ADSS2: variants seen among roughly 807,000 people sequenced by gnomAD.
The protein encoded by ADSS2 is adenylosuccinate synthase 2.
A neutral mutation model predicts 60.0 loss-of-function variants in ADSS2; 30 were observed. The ratio of observed to expected loss-of-function variants is 0.50; its 90% CI spans 0.37 to 0.68. The LOEUF (loss-of-function observed/expected upper bound fraction) is 0.68, where lower values mean the gene tolerates loss of function less well. ADSS2 is among the 30% of genes least tolerant of loss of function. The pLI is 0.00. For synonymous variants in ADSS2, 187 were observed against 193.1 expected (o/e 0.97, Z 0.26); for missense variants, 373 against 554.8 (o/e 0.67, Z 3.29).
At position 244,451,839 on chromosome 1, in the gene ADSS2, GC is replaced by G; in HGVS notation, c.-23del. ...CCATGGCTCCAGTGACGCGAGGAGAGCCCGAAGGAGAGGCGGCCGGCGAGGA... is the reference window on the plus strand; with the variant it reads ...CCATGGCTCCAGTGACGCGAGGAGAGCCGAAGGAGAGGCGGCCGGCGAGGA... On this transcript the variant is annotated 5_prime_UTR_variant, in exon 1 of 13. Transcript: ENST00000366535. This position sits in a 1 kb window ranked among gnomAD's most constrained non-coding sequence, Gnocchi z 6.6. 6.4e-7 allele frequency: 1 copy of G among 1,551,490 alleles called. No homozygotes were observed. The highest frequency in any genetic ancestry group is 8.7e-7 in the Non-Finnish European group (1 of 1,151,430).
chr1:244,436,099 G>A (rs1435768997), intron 3 of ADSS2, among the ~76,000 whole-genome samples: 5 of 152,210 alleles, frequency 3.3e-5, no homozygotes, highest in Non-Finnish European at 7.3e-5. Flanking sequence ...GCGTGCCTAT[G>A]TTTGGACTGT....
chr1:244,446,191 T>G (rs990077824), intron 1 of ADSS2, among the ~76,000 whole-genome samples: 1 of 152,208 alleles, frequency 6.6e-6, no homozygotes, highest in Non-Finnish European at 1.5e-5. Context: ...GTAAAGATTG[T>G]AAGATCTGTG....
In ADSS2 at chr1:244,418,760, A is replaced by G; in HGVS notation, c.945T>C (p.Asn315=). Residue 315 remains asparagine, a splice_region_variant and synonymous_variant, in exon 9 of 13, where the codon AAT becomes AAC. Coordinates refer to ENST00000366535, the MANE Select transcript of ADSS2 (RefSeq NM_001126.5). ...GATTATTTACTTAGAATAGGCTTACATTGTCTTGCTCTGTAGGAAAGGCAC... is the reference window on the plus strand; with the variant it reads ...GATTATTTACTTAGAATAGGCTTACGTTGTCTTGCTCTGTAGGAAAGGCAC... The part of the protein sequence containing the change: ...GIGAFPTEQD[N]EIGELLQTRG... 1 of 1,592,944 alleles carries G rather than the reference A, an allele frequency of 6.3e-7. No individual in the cohort carries two copies. Among genetic ancestry groups the G allele is most frequent in the Non-Finnish European group, 8.5e-7 (1 of 1,174,140 alleles).
At chr1:244,442,133 G>A (rs74151391) in intron 1 of ADSS2, among the ~76,000 whole-genome samples, 17,948 of 152,074 alleles carry the variant, frequency 0.12, 1,350 homozygotes, top group African/African-American at 0.18. Context: ...TACTGGTAGT[G>A]AATGACAATG....
At position 244,449,387 on chromosome 1, in the gene ADSS2, C is replaced by T. The variant is rs936091131; in HGVS notation, c.183+2248G>A. On this transcript the variant is annotated intron_variant, in intron 1 of 12. Coordinates refer to ENST00000366535, the MANE Select transcript of ADSS2 (RefSeq NM_001126.5). ...TAAATATGGCAGAATATATTAAACT[C>T]TAACAAAGGACATATTTTCACTAAC... Among the ~76,000 whole-genome samples the T allele has an allele frequency of 3.9e-5, 6 of 152,250 alleles. No homozygotes were observed. In the East Asian group the frequency reaches 1.2e-3, roughly 29 times the overall value.
chr1:244,425,605 CTT>C (rs1664785899), intron 4 of ADSS2, among the ~76,000 whole-genome samples: 2 of 152,126 alleles, frequency 1.3e-5, no homozygotes. Flanking sequence ...TGTATGTACT[CTT>C]CTCTAATTCC....
intron 1 of ADSS2, among the ~76,000 whole-genome samples, chr1:244,440,953 C>T (rs952102050): frequency 1.3e-5 from 2 of 152,076 alleles, no homozygotes; most frequent in African/African-American, 2.4e-5. Flanking sequence ...CAATAAACTT[C>T]CTGGTATATA....
At chr1:244,437,033 G>T in intron 2 of ADSS2, 140 bp from the exon 3 acceptor site, 1 of 640,366 alleles carries the variant, frequency 1.6e-6, no homozygotes, top group Non-Finnish European at 2.7e-6. Context: ...AATACATAAT[G>T]GAACATAATA....
Position 244,411,449 on chromosome 1 carries a change from G to T in ADSS2, c.1169-13C>A. 1.9e-6 allele frequency: 3 copies of T among 1,605,894 alleles called. No homozygotes were observed. The highest frequency in any genetic ancestry group is 2.5e-6 in the Non-Finnish European group (3 of 1,177,840). On this transcript the variant is annotated splice_polypyrimidine_tract_variant and intron_variant, in intron 11 of 12. Coordinates refer to ENST00000366535, the MANE Select transcript of ADSS2 (RefSeq NM_001126.5). ...ACTTCTTGGTTTGCTAAAAGTTAAA[G>T]AGGACATTTATTCATGGCACACACT...
chr1:244,437,744 C>T lies in ADSS2; in HGVS notation c.208G>A (p.Val70Ile). Reference sequence around the variant, plus strand: ...TCATATTCCACAGAATCCACAACAACTGTATGGCCAGCATTATTTCCTCCC... The same window carrying T: ...TCATATTCCACAGAATCCACAACAATTGTATGGCCAGCATTATTTCCTCCC... The part of the protein sequence containing the change: ...CQGGNNAGHT[V>I]VVDSVEYDFH... Residue 70 changes from valine to isoleucine, a missense_variant, in exon 2 of 13, where the codon GTT (valine) becomes ATT (isoleucine). Val to Ile is a conservative substitution (Grantham distance 29). Transcript: ENST00000366535. 6.2e-7 allele frequency: 1 copy of T among 1,607,076 alleles called. No individual in the cohort carries two copies. The highest frequency in any genetic ancestry group is 8.5e-7 in the Non-Finnish European group (1 of 1,173,788).
At chr1:244,445,118 A>C (rs1443144514) in intron 1 of ADSS2, among the ~76,000 whole-genome samples, 1 of 152,202 alleles carries the variant, frequency 6.6e-6, no homozygotes, top group African/African-American at 2.4e-5. Context: ...GAAGCATCCT[A>C]AAGAAAAAGG....
chr1:244,412,002 G>T (rs1168671689), intron 11 of ADSS2, among the ~76,000 whole-genome samples: 1 of 152,152 alleles, frequency 6.6e-6, no homozygotes, highest in Non-Finnish European at 1.5e-5. Context: ...TTTCTCTCAA[G>T]ACTGAGAGCT....
intron 1 of ADSS2, among the ~76,000 whole-genome samples, chr1:244,450,561 C>G (rs908684482): frequency 2.0e-5 from 3 of 152,226 alleles, no homozygotes; most frequent in African/African-American, 7.2e-5. Flanking sequence ...ATGGCACCAT[C>G]ATATCATGCC....
At chr1:244,450,558 CATCAT>C (rs1442403256) in intron 1 of ADSS2, among the ~76,000 whole-genome samples, 1 of 152,222 alleles carries the variant, frequency 6.6e-6, no homozygotes, top group African/African-American at 2.4e-5. Context: ...AGCATGGCAC[CATCAT>C]ATCATGCCAT....
intron 11 of ADSS2, among the ~76,000 whole-genome samples, chr1:244,411,722 A>C (rs762146093): frequency 6.6e-6 from 1 of 152,208 alleles, no homozygotes; most frequent in Non-Finnish European, 1.5e-5. Context: ...CTGCCAAATG[A>C]ATCTGGGTGC....
chr1:244,449,233 A>C (rs1665472644), intron 1 of ADSS2, among the ~76,000 whole-genome samples: 1 of 152,214 alleles, frequency 6.6e-6, no homozygotes, highest in Non-Finnish European at 1.5e-5. Flanking sequence ...ATGCAATGCC[A>C]GTTTTTCTTT....
chr1:244,423,966 C>T lies in ADSS2; in HGVS notation c.568G>A (p.Gly190Ser), dbSNP rs1365720773. 6.2e-7 allele frequency: 1 copy of T among 1,611,012 alleles called. No homozygotes were observed. The highest frequency in any genetic ancestry group is 8.5e-7 in the Non-Finnish European group (1 of 1,178,994). ...CAAGTTAGTTACCTCTCAGAGAAGC[C>T]ATCAAAGTCAGAAACAAGGTCGCAC... ...RMCDLVSDFD[G>S]FSERFKVLAN... The change falls in exon 6 of 13, where the codon GGC becomes AGC. Residue 190 changes from glycine (G) to serine (S), a missense_variant. This residue lies in a region of ADSS2 where 139 missense variants were observed against 189.4 expected (regional missense o/e 0.73). Coordinates refer to ENST00000366535, the MANE Select transcript of ADSS2 (RefSeq NM_001126.5).
At chr1:244,442,262 C>T (rs1311048301) in intron 1 of ADSS2, among the ~76,000 whole-genome samples, 1 of 151,980 alleles carries the variant, frequency 6.6e-6, no homozygotes, top group Non-Finnish European at 1.5e-5. Flanking sequence ...CACACACACA[C>T]ACACACAAAT....
At chr1:244,433,905 C>T (rs1233907306) in intron 3 of ADSS2, among the ~76,000 whole-genome samples, 31 of 142,810 alleles carry the variant, frequency 2.2e-4, no homozygotes, top group Non-Finnish European at 4.3e-4. Context: ...TAAACTTTTT[C>T]ATTAATTCTT....
Sources: gnomAD v4.1 joint callset for allele counts (sites outside exome capture counted in the v4.1 genomes callset) on GRCh38, gnomAD v4.1.1 for gene constraint, gnomAD v4.1.1 regional missense constraint, Gnocchi (gnomAD v3.1) non-coding constraint, MANE v1.5 for transcripts, NCBI Gene and HGNC (gene_info 2026-07-23, HGNC 2026-07-21) for gene names.